The following ROBO2 variants were observed in gnomAD, a reference collection of about 807,000 sequenced individuals.
The protein encoded by ROBO2 is roundabout guidance receptor 2, also known as roundabout homolog 2.
In ROBO2, 53 loss-of-function variants were observed where a neutral mutation model predicts 160.8. The observed-to-expected ratio is 0.33, with a 90% CI of 0.26 to 0.41. The LOEUF (loss-of-function observed/expected upper bound fraction) is 0.41. ROBO2 is among the 10% of genes least tolerant of loss of function. ROBO2 has a pLI of 1.00. For synonymous variants in ROBO2, 664 were observed against 611.7 expected, an observed-to-expected ratio of 1.09 and a Z score of -1.26; for missense variants, 1,577 against 1,722.4, an observed-to-expected ratio of 0.92 and a Z score of 1.49.
chr3:76,882,712 A>G (rs557857604), intron 2 of ROBO2, among the ~76,000 whole-genome samples: 1 of 152,074 alleles, frequency 6.6e-6, no homozygotes, highest in Non-Finnish European at 1.5e-5. Flanking sequence ...CGGGGAAAAC[A>G]TTTTTCCCAT....
intron 24 of ROBO2, among the ~76,000 whole-genome samples, chr3:77,636,188 C>T (rs1289457988): frequency 6.6e-6 from 1 of 152,122 alleles, no homozygotes; most frequent in African/African-American, 2.4e-5. Context: ...AGAAAAGGGT[C>T]AGCAAACTTC....
intron 5 of ROBO2, among the ~76,000 whole-genome samples, chr3:77,511,131 G>T (rs75959607): frequency 0.031 from 4,788 of 152,020 alleles, 254 homozygotes; most frequent in African/African-American, 0.11. Flanking sequence ...GATGACAGGA[G>T]AAGATGGAAA....
chr3:77,472,167 G>A (rs770729379), intron 2 of ROBO2, among the ~76,000 whole-genome samples: 7 of 152,104 alleles, frequency 4.6e-5, no homozygotes, highest in Non-Finnish European at 7.4e-5. Context: ...AACTGATCTT[G>A]GAAGTGGCAT....
At chr3:76,125,441 G>A (rs2070934021) in intron 2 of ROBO2, among the ~76,000 whole-genome samples, 2 of 152,128 alleles carry the variant, frequency 1.3e-5, no homozygotes. Context: ...CACAGCGATT[G>A]GACCAATTTA....
chr3:76,068,886 C>T (rs1242700929), intron 2 of ROBO2, among the ~76,000 whole-genome samples: 2 of 152,140 alleles, frequency 1.3e-5, no homozygotes, highest in South Asian at 4.1e-4. Flanking sequence ...CTCCTTAAAA[C>T]ATATTTGTCA....
chr3:77,455,395 T>C (rs1385854787), intron 2 of ROBO2, among the ~76,000 whole-genome samples: 1 of 152,168 alleles, frequency 6.6e-6, no homozygotes, highest in Non-Finnish European at 1.5e-5. Context: ...TATACTTAAT[T>C]AGGGCAAAAC....
At position 76,747,368 on chromosome 3, in the gene ROBO2, A is replaced by T. The variant is rs1381976665; in HGVS notation, c.110-350646A>T. 3.3e-5 allele frequency among the ~76,000 whole-genome samples: 5 copies of T among 152,230 alleles called. No individual in the cohort carries two copies. The South Asian group carries it at 6.2e-4, about 19-fold the overall frequency. ...TTTAAGTGTAAAGGTATTTTTACTG[A>T]CATATATACTTATCTTTCATAGAAT... On this transcript the variant is annotated intron_variant, in intron 2 of 26. Transcript: ENST00000487694.
chr3:76,210,758 C>A (rs1703093436), intron 2 of ROBO2, among the ~76,000 whole-genome samples: 1 of 152,040 alleles, frequency 6.6e-6, no homozygotes, highest in South Asian at 2.1e-4. Flanking sequence ...TCTAATCATG[C>A]AAGTTGCACA....
At chr3:77,622,547 T>G in intron 23 of ROBO2, 115 bp downstream of exon 24, 1 of 886,594 alleles carries the variant, frequency 1.1e-6, no homozygotes, top group Non-Finnish European at 1.8e-6. Context: ...TCTGTAACAT[T>G]TTAAATGTGT....
intron 2 of ROBO2, among the ~76,000 whole-genome samples, chr3:76,141,208 T>A (rs1412850723): frequency 1.5e-5 from 2 of 130,608 alleles, no homozygotes; most frequent in Non-Finnish European, 3.2e-5. Context: ...GATATATATA[T>A]ATCAGACATT....
chr3:76,751,444 T>C (rs2060642905), intron 2 of ROBO2, among the ~76,000 whole-genome samples: 2 of 151,944 alleles, frequency 1.3e-5, no homozygotes, highest in Admixed American at 6.6e-5. Flanking sequence ...AAAGTCAAAA[T>C]TGAGAAATGG....
intron 2 of ROBO2, among the ~76,000 whole-genome samples, chr3:76,215,762 C>T (rs1703477762): frequency 6.6e-6 from 1 of 152,060 alleles, no homozygotes; most frequent in Non-Finnish European, 1.5e-5. Context: ...GAGAACTTCC[C>T]CAATCTAGCA....
chr3:76,514,860 T>C (rs1468684184), intron 2 of ROBO2, among the ~76,000 whole-genome samples: 1 of 152,158 alleles, frequency 6.6e-6, no homozygotes, highest in East Asian at 1.9e-4. Flanking sequence ...TTCACCTCCA[T>C]TTTTTCTTCT....
chr3:76,814,849 A>G (rs2065520333), intron 2 of ROBO2, among the ~76,000 whole-genome samples: 1 of 152,086 alleles, frequency 6.6e-6, no homozygotes. Context: ...GTAACTTGTA[A>G]TAAAGGAATT....
intron 2 of ROBO2, among the ~76,000 whole-genome samples, chr3:76,313,728 A>G (rs1034839925): frequency 1.3e-5 from 2 of 152,206 alleles, no homozygotes; most frequent in Non-Finnish European, 1.5e-5. Context: ...AGCAAACAAC[A>G]AAGTTTTCTT....
intron 2 of ROBO2, among the ~76,000 whole-genome samples, chr3:75,971,823 G>A (rs2107364718): frequency 6.6e-6 from 1 of 151,490 alleles, no homozygotes; most frequent in South Asian, 2.1e-4. Context: ...AAAAAGGGTT[G>A]CTACAAATTC....
chr3:76,119,916 C>CCTTCCTTCCTTCCTT (rs2070661295), intron 2 of ROBO2, among the ~76,000 whole-genome samples: 3 of 88,118 alleles, frequency 3.4e-5, no homozygotes, highest in African/African-American at 4.8e-5. Flanking sequence ...TTCCCTCCCT[C>CCTTCCTTCCTTCCTT]CCTTCCTTCC....
chr3:77,634,834 A>G, intron 23 of ROBO2, 36 bp from the exon 25 acceptor site: 1 of 1,602,070 alleles, frequency 6.2e-7, no homozygotes. Context: ...CTATAATGTC[A>G]TTCTCTAGAA....
chr3:77,502,792 G>T lies in ROBO2; in HGVS notation c.806+9410G>T, dbSNP rs367620713. 2.0e-5 allele frequency among the ~76,000 whole-genome samples: 3 copies of T among 152,270 alleles called. No homozygotes were observed. In the South Asian group the frequency reaches 6.2e-4, roughly 32 times the overall value. ...GCAGGAGGATGTACATAGGTTATAT[G>T]CAAATACTACATTATTTTATATAAA... On this transcript the variant is annotated intron_variant, in intron 5 of 25. Coordinates refer to ENST00000461745, the Ensembl canonical transcript of ROBO2.
Sources: gnomAD v4.1 joint callset for allele counts (sites outside exome capture counted in the v4.1 genomes callset) on GRCh38, gnomAD v4.1.1 for gene constraint, MANE v1.5 for transcripts, NCBI Gene and HGNC (gene_info 2026-07-23, HGNC 2026-07-21) for gene names.